The following RRAD variants were observed in gnomAD, a reference collection of about 807,000 sequenced individuals.
RRAD encodes the protein RRAD, Ras related glycolysis inhibitor and calcium channel regulator, also known as GTP-binding protein RAD.
A neutral mutation model predicts 24.7 loss-of-function variants in RRAD; 15 were observed. The ratio of observed to expected loss-of-function variants is 0.61; its 90% CI spans 0.41 to 0.93. RRAD has a LOEUF of 0.93. RRAD is among the 40% of genes least tolerant of loss of function. The pLI is 0.00. For synonymous variants in RRAD, 180 were observed against 189.8 expected (o/e 0.95, Z 0.43); for missense variants, 438 against 452.2 (o/e 0.97, Z 0.29).
In RRAD at chr16:66,923,772, G is replaced by A. The variant is rs750737874; in HGVS notation, c.445-52C>T. ...CCAACAGTCCTCATGCCCCCGACACGAGCCTGGCACTCCCAGACCTCTAAC... is the reference window on the plus strand; with the variant it reads ...CCAACAGTCCTCATGCCCCCGACACAAGCCTGGCACTCCCAGACCTCTAAC... On this transcript the variant is annotated intron_variant, in intron 3 of 4. Coordinates refer to ENST00000299759, the MANE Select transcript of RRAD (RefSeq NM_004165.3). This position sits in a 1 kb window ranked among gnomAD's most constrained non-coding sequence, Gnocchi z 4.9. 20 of 1,610,772 alleles carry A rather than the reference G, an allele frequency of 1.2e-5. No homozygotes were observed. The highest frequency in any genetic ancestry group is 1.7e-5 in the Admixed American group (1 of 59,982).
rs183365824 is a variant in RRAD, at chr16:66,923,246, C to A, written c.649+270G>T. Among the ~76,000 whole-genome samples the A allele has an allele frequency of 5.9e-5, 9 of 152,300 alleles. No homozygotes were observed. Among genetic ancestry groups the A allele is most frequent in the South Asian group, 2.1e-4 (1 of 4,828 alleles). ...CACTCTCTTCCACCCATTTACCCCC[C>A]CAACCAGCCAGGCCAGGACCAAGAG... On this transcript the variant is annotated intron_variant, in intron 4 of 4. Coordinates refer to ENST00000299759, the MANE Select transcript of RRAD (RefSeq NM_004165.3). This position sits in a 1 kb window ranked among gnomAD's most constrained non-coding sequence, Gnocchi z 4.9.
At position 66,923,600 on chromosome 16, in the gene RRAD, G is replaced by A. The variant is rs780344538; in HGVS notation, c.565C>T (p.Arg189Cys). The A allele has an allele frequency of 1.5e-5, 24 of 1,613,404 alleles. No individual in the cohort carries two copies. Among genetic ancestry groups the A allele is most frequent in the Non-Finnish European group, 1.9e-5 (22 of 1,179,990 alleles). ...KASELRVQLR[R>C]ARQTDDVPII... Reference sequence around the variant, plus strand: ...GGCACATCATCTGTTTGCCGTGCACGCCGCAGCTGGACCCGCAGTTCTGAG... The same window carrying A: ...GGCACATCATCTGTTTGCCGTGCACACCGCAGCTGGACCCGCAGTTCTGAG... Residue 189 changes from arginine to cysteine, a missense_variant, in exon 4 of 5, where the codon CGT becomes TGT. Coordinates refer to ENST00000299759, the MANE Select transcript of RRAD (RefSeq NM_004165.3). The surrounding 1 kb of genome is among the most constrained non-coding windows in gnomAD (Gnocchi z 4.9).
rs1341671415 is a variant in RRAD, at chr16:66,923,244, C to A, written c.649+272G>T. Reference sequence around the variant, plus strand: ...TACACTCTCTTCCACCCATTTACCCCCCCAACCAGCCAGGCCAGGACCAAG... The same window carrying A: ...TACACTCTCTTCCACCCATTTACCCACCCAACCAGCCAGGCCAGGACCAAG... On this transcript the variant is annotated intron_variant, in intron 4 of 4. Coordinates refer to ENST00000299759, the MANE Select transcript of RRAD (RefSeq NM_004165.3). This position sits in a 1 kb window ranked among gnomAD's most constrained non-coding sequence, Gnocchi z 4.9. Among the ~76,000 whole-genome samples, 1 of 152,162 alleles carries A rather than the reference C, an allele frequency of 6.6e-6. No homozygotes were observed. Among genetic ancestry groups the A allele is most frequent in the African/African-American group, 2.4e-5 (1 of 41,420 alleles).
rs1418609080 is a variant in RRAD, at chr16:66,923,156, CA to C, written c.649+359del. ...AAGTGGGAAGGGTCTTCCCCAGGGC[CA>C]AGTCTACTCTAAGAATGGCCCAGAC... On this transcript the variant is annotated intron_variant, in intron 4 of 4. Transcript: ENST00000299759. This position sits in a 1 kb window ranked among gnomAD's most constrained non-coding sequence, Gnocchi z 4.9. 2.6e-5 allele frequency among the ~76,000 whole-genome samples: 4 copies of C among 152,140 alleles called. No homozygotes were observed. Among genetic ancestry groups the C allele is most frequent in the African/African-American group, 9.7e-5 (4 of 41,418 alleles).
chr16:66,922,019 T>C lies in RRAD; in HGVS notation c.*57A>G, dbSNP rs552383484. 3 of 1,526,516 alleles carry C rather than the reference T, an allele frequency of 2.0e-6. No homozygotes were observed. The highest frequency in any genetic ancestry group is 2.7e-6 in the Non-Finnish European group (3 of 1,120,964). 94.6% of individuals were successfully genotyped at this position (1,526,516 alleles called of 1,614,324 possible). On this transcript the variant is annotated 3_prime_UTR_variant, in exon 5 of 5. Coordinates refer to ENST00000299759, the MANE Select transcript of RRAD (RefSeq NM_004165.3). ...CTCTGAGGCACCCGGGGCAGTTGGC[T>C]GGGCCAGCCCACCAACCCTTCCGTT...
At position 66,923,681 on chromosome 16, in the gene RRAD, C is replaced by T; in HGVS notation, c.484G>A (p.Gly162Arg). ...GAGTACACAATGACATAGGCATCCC[C>T]CATGGCCATGCAGTGGCCGGGCAAC... is the stretch of plus-strand genomic sequence containing the variant. ...RWLPGHCMAMGDAYVIVYSVT... is the reference protein window; with the variant it reads ...RWLPGHCMAMRDAYVIVYSVT... The change falls in exon 4 of 5, where the codon GGG becomes AGG. Residue 162 changes from glycine (G) to arginine (R), a missense_variant. Gly to Arg is a moderately radical substitution (Grantham distance 125). Coordinates refer to ENST00000299759, the MANE Select transcript of RRAD (RefSeq NM_004165.3). The surrounding 1 kb of genome is among the most constrained non-coding windows in gnomAD (Gnocchi z 4.9). 19 of 1,614,166 alleles carry T rather than the reference C, an allele frequency of 1.2e-5. No individual in the cohort carries two copies. The highest frequency in any genetic ancestry group is 1.6e-5 in the Non-Finnish European group (19 of 1,180,026).
intron 4 of RRAD, among the ~76,000 whole-genome samples, chr16:66,922,904 A>C (rs577519192): frequency 1.1e-4 from 17 of 152,256 alleles, no homozygotes; most frequent in African/African-American, 3.9e-4. Flanking sequence ...GATGGTCTCG[A>C]TCTCCTGACC....
chr16:66,924,794 AGCTGGGTCCCCTCACCT>A lies in RRAD; in HGVS notation c.369_370+15del. 1 of 1,512,944 alleles carries A rather than the reference AGCTGGGTCCCCTCACCT, an allele frequency of 6.6e-7. No individual in the cohort carries two copies. The highest frequency in any genetic ancestry group is 8.9e-7 in the Non-Finnish European group (1 of 1,125,170). 93.7% of individuals were successfully genotyped at this position (1,512,944 alleles called of 1,614,324 possible). On this transcript the variant is annotated splice_donor_variant and splice_donor_5th_base_variant and coding_sequence_variant and intron_variant, in exon 2 of 5. Transcript: ENST00000299759. LOFTEE classifies it high-confidence loss of function. This position sits in a 1 kb window ranked among gnomAD's most constrained non-coding sequence, Gnocchi z 4.2. The stretch of plus-strand genomic sequence containing the variant: ...CCCCGGGATCGCCCCTCCCCTGAAC[AGCTGGGTCCCCTCACCT>A]GCTGCCTCTGCTTCAGGCCCGTCCT...
rs960992523 is a variant in RRAD at position 66,925,372 on chromosome 16, T to C, written c.-16+37A>G. ...CCCCTCCGGACCTGGCGCATCCATC[T>C]GCAGCCGCCCCGACCCCGCTCCGCC... On this transcript the variant is annotated intron_variant, in intron 1 of 4. Transcript: ENST00000299759. The surrounding 1 kb of genome is among the most constrained non-coding windows in gnomAD (Gnocchi z 5.2). The C allele has an allele frequency of 4.9e-5, 21 of 425,442 alleles. 1 individual carries two copies. Among genetic ancestry groups the C allele is most frequent in the African/African-American group, 2.3e-4 (11 of 48,442 alleles). The allele number at this position is 425,442 out of a possible 1,614,324, so 26.4% of individuals were successfully genotyped here.
In RRAD at chr16:66,921,947, TG is replaced by T. The variant is rs999149439; in HGVS notation, c.*128del. 2.7e-6 allele frequency: 2 copies of T among 752,642 alleles called. No homozygotes were observed. The highest frequency in any genetic ancestry group is 1.8e-5 in the African/African-American group (1 of 56,970). The allele number at this position is 752,642 out of a possible 1,614,324, so 46.6% of individuals were successfully genotyped here. Reference sequence around the variant, plus strand: ...GTCTATCTGTCCATGACCATGAGGTTGGGGGTGCCCGGCTGGCAGCTCCGAG... The same window carrying T: ...GTCTATCTGTCCATGACCATGAGGTTGGGGTGCCCGGCTGGCAGCTCCGAG... On this transcript the variant is annotated 3_prime_UTR_variant, in exon 5 of 5. Transcript: ENST00000299759.
Position 66,922,040 on chromosome 16 carries a change from C to G in RRAD, c.*36G>C, listed in dbSNP as rs571110133. On this transcript the variant is annotated 3_prime_UTR_variant, in exon 5 of 5. Coordinates refer to ENST00000299759, the MANE Select transcript of RRAD (RefSeq NM_004165.3). The stretch of plus-strand genomic sequence containing the variant: ...TGGCTGGGCCAGCCCACCAACCCTT[C>G]CGTTCGTCTCCCACCATAGTGGGAG... The G allele has an allele frequency of 3.2e-6, 5 of 1,573,918 alleles. No homozygotes were observed. The highest frequency in any genetic ancestry group is 3.5e-6 in the Non-Finnish European group (4 of 1,151,426).
Position 66,925,430 on chromosome 16 carries a change from C to G in RRAD, c.-37G>C, listed in dbSNP as rs933730789. The stretch of plus-strand genomic sequence containing the variant: ...TCACCCACTCGCACACAGACACGCT[C>G]AGGACTAGGATCCGGATTAGGAGGC... On this transcript the variant is annotated 5_prime_UTR_variant, in exon 1 of 5. Transcript: ENST00000299759. This position sits in a 1 kb window ranked among gnomAD's most constrained non-coding sequence, Gnocchi z 5.2. The G allele has an allele frequency of 2.1e-5, 7 of 332,602 alleles. No individual in the cohort carries two copies. The highest frequency in any genetic ancestry group is 1.1e-4 in the African/African-American group (5 of 46,524). The allele number at this position is 332,602 out of a possible 1,614,324, so 20.6% of individuals were successfully genotyped here.
At position 66,925,159 on chromosome 16, in the gene RRAD, G is replaced by C; in HGVS notation, c.21C>G (p.Gly7=). 1 of 1,232,598 alleles carries C rather than the reference G, an allele frequency of 8.1e-7. No individual in the cohort carries two copies. Among genetic ancestry groups the C allele is most frequent in the Non-Finnish European group, 1.0e-6 (1 of 988,470 alleles). The allele number at this position is 1,232,598 out of a possible 1,614,324, so 76.4% of individuals were successfully genotyped here. MTLNGG[G]SGAGGSRGGG... ...CACCGCGGCTCCCGCCCGCTCCGCT[G>C]CCGCCGCCGTTCAGGGTCATCGCGT... Residue 7 remains glycine (G), a synonymous_variant, in exon 2 of 5, where the codon GGC becomes GGG. Transcript: ENST00000299759. The surrounding 1 kb of genome is among the most constrained non-coding windows in gnomAD (Gnocchi z 5.2).
Position 66,923,785 on chromosome 16 carries a change from C to A in RRAD, c.444+61G>T. 4 of 1,610,936 alleles carry A rather than the reference C, an allele frequency of 2.5e-6. No individual in the cohort carries two copies. The highest frequency in any genetic ancestry group is 3.4e-6 in the Non-Finnish European group (4 of 1,177,200). ...TGCCCCCGACACGAGCCTGGCACTC[C>A]CAGACCTCTAACCCAACTCACTCCT... On this transcript the variant is annotated intron_variant, in intron 3 of 4. Transcript: ENST00000299759. This position sits in a 1 kb window ranked among gnomAD's most constrained non-coding sequence, Gnocchi z 4.9.
Position 66,923,445 on chromosome 16 carries a change from G to T in RRAD, c.649+71C>A. 7.7e-7 allele frequency: 1 copy of T among 1,295,336 alleles called. No individual in the cohort carries two copies. Among genetic ancestry groups the T allele is most frequent in the Non-Finnish European group, 1.1e-6 (1 of 927,366 alleles). 80.2% of individuals were successfully genotyped at this position (1,295,336 alleles called of 1,614,324 possible). On this transcript the variant is annotated intron_variant, in intron 4 of 4. Transcript: ENST00000299759. This position sits in a 1 kb window ranked among gnomAD's most constrained non-coding sequence, Gnocchi z 4.9. Reference sequence around the variant, plus strand: ...CCTCTGATGATCCCCAGGGACTCAAGCTGAGCCAAGACTGCCTGGATCAGG... The same window carrying T: ...CCTCTGATGATCCCCAGGGACTCAATCTGAGCCAAGACTGCCTGGATCAGG...
rs1393566975 is a variant in RRAD, at chr16:66,924,019, C to T, written c.371-100G>A. On this transcript the variant is annotated intron_variant, in intron 2 of 4. Coordinates refer to ENST00000299759, the MANE Select transcript of RRAD (RefSeq NM_004165.3). This position sits in a 1 kb window ranked among gnomAD's most constrained non-coding sequence, Gnocchi z 4.2. ...CACCCTCCAACTCTTCCCCAGAGCC[C>T]TCCTTACCCTCCACTCCACTTGCAG... is the stretch of plus-strand genomic sequence containing the variant. 6 of 888,106 alleles carry T rather than the reference C, an allele frequency of 6.8e-6. No homozygotes were observed. The highest frequency in any genetic ancestry group is 1.1e-5 in the Non-Finnish European group (6 of 522,952). The allele number at this position is 888,106 out of a possible 1,614,324, so 55.0% of individuals were successfully genotyped here.
In RRAD at chr16:66,921,849, T is replaced by C. The variant is rs1962915868; in HGVS notation, c.*227A>G. 1 of 519,412 alleles carries C rather than the reference T, an allele frequency of 1.9e-6. No individual in the cohort carries two copies. The highest frequency in any genetic ancestry group is 3.1e-5 in the East Asian group (1 of 32,490). 32.2% of individuals were successfully genotyped at this position (519,412 alleles called of 1,614,324 possible). ...CTGCGCTGCGGCTGCTTGGGACGCA[T>C]ATGAGCCTGCGCATGCATCTCTGTG... On this transcript the variant is annotated 3_prime_UTR_variant, in exon 5 of 5. Transcript: ENST00000299759.
In RRAD at chr16:66,923,592, C is replaced by G. The variant is rs764433463; in HGVS notation, c.573G>C (p.Arg191=). Residue 191 remains arginine (R), a synonymous_variant, in exon 4 of 5, where the codon CGG becomes CGC. Transcript: ENST00000299759. This position sits in a 1 kb window ranked among gnomAD's most constrained non-coding sequence, Gnocchi z 4.9. ...GGATGATGGGCACATCATCTGTTTG[C>G]CGTGCACGCCGCAGCTGGACCCGCA... ...SELRVQLRRA[R]QTDDVPIILV... 9 of 1,613,526 alleles carry G rather than the reference C, an allele frequency of 5.6e-6. No individual in the cohort carries two copies. Among genetic ancestry groups the G allele is most frequent in the Middle Eastern group, 1.6e-4 (1 of 6,062 alleles).
rs1386146008 is a variant in RRAD, at chr16:66,925,101, T to G, written c.79A>C (p.Thr27Pro). Residue 27 changes from threonine (T) to proline (P), a missense_variant, in exon 2 of 5, where the codon ACA becomes CCA. Coordinates refer to ENST00000299759, the MANE Select transcript of RRAD (RefSeq NM_004165.3). The surrounding 1 kb of genome is among the most constrained non-coding windows in gnomAD (Gnocchi z 5.2). ...AGCGGCGGGGCGGGGCCCCAGGGTG[T>G]GCTGCCCCGACGGCGCTCGCGCTCC... ...GQERERRRGS[T>P]PWGPAPPLHR... 4.9e-6 allele frequency: 6 copies of G among 1,230,760 alleles called. No homozygotes were observed. In the Admixed American group the frequency reaches 2.6e-4, roughly 53 times the overall value. The allele number at this position is 1,230,760 out of a possible 1,614,324, so 76.2% of individuals were successfully genotyped here. A position where few individuals can be genotyped will look rare whatever the true frequency, so the allele number is the denominator to read the frequency against.
Sources: allele counts gnomAD v4.1 joint callset (sites outside exome capture counted in the v4.1 genomes callset), GRCh38; gene constraint gnomAD v4.1.1; non-coding constraint Gnocchi (gnomAD v3.1); transcripts MANE v1.5; gene names NCBI Gene and HGNC (gene_info 2026-07-23, HGNC 2026-07-21).